ARHGEF28: variants seen among roughly 807,000 people sequenced by gnomAD.
The protein encoded by ARHGEF28 is 190 kDa guanine nucleotide exchange factor.
A neutral mutation model predicts 206.6 loss-of-function variants in ARHGEF28; 152 were observed. The ratio of observed to expected loss-of-function variants is 0.74; its 90% CI spans 0.64 to 0.84. ARHGEF28 has a LOEUF of 0.84. ARHGEF28 is among the 40% of genes least tolerant of loss of function. ARHGEF28 has a pLI of 0.00. For missense variants in ARHGEF28, 2,028 were observed against 2,073.2 expected (o/e 0.98, Z 0.42); for synonymous variants, 763 against 776.4 (o/e 0.98, Z 0.29).
intron 2 of ARHGEF28, among the ~76,000 whole-genome samples, chr5:73,704,767 G>A (rs1204555164): frequency 1.3e-5 from 2 of 152,112 alleles, no homozygotes; most frequent in South Asian, 2.1e-4. Context: ...AACATAAAAT[G>A]TGTGCCCAGA....
At chr5:73,710,159 G>C (rs1348688279) in intron 2 of ARHGEF28, among the ~76,000 whole-genome samples, 1 of 152,162 alleles carries the variant, frequency 6.6e-6, no homozygotes, top group Non-Finnish European at 1.5e-5. Context: ...TAGCTGTTTT[G>C]TATTTCCACC....
At position 73,846,171 on chromosome 5, in the gene ARHGEF28, C is replaced by G. The variant is rs180798362; in HGVS notation, c.1428-97C>G. On this transcript the variant is annotated intron_variant, in intron 11 of 35. Coordinates refer to ENST00000513042, the MANE Select transcript of ARHGEF28 (RefSeq NM_001177693.2). ...AAATGAATACCTATTGCACCCCCCC[C>G]GCCCCAGTGAAAGAATCTGGATTCA... 2.3e-4 allele frequency: 264 copies of G among 1,133,542 alleles called. 1 individual carries two copies. The highest frequency in any genetic ancestry group is 4.2e-4 in the Admixed American group (20 of 47,804). The allele number at this position is 1,133,542 out of a possible 1,614,324, so 70.2% of individuals were successfully genotyped here. A position where few individuals can be genotyped will look rare whatever the true frequency, so the allele number is the denominator to read the frequency against.
chr5:73,683,164 A>G (rs1747217165), intron 1 of ARHGEF28, among the ~76,000 whole-genome samples: 1 of 151,910 alleles, frequency 6.6e-6, no homozygotes. Context: ...TCTAAGTGCT[A>G]TTTGTTTACT....
chr5:73,700,673 T>C (rs376884997), intron 2 of ARHGEF28, among the ~76,000 whole-genome samples: 2 of 152,170 alleles, frequency 1.3e-5, no homozygotes, highest in Non-Finnish European at 2.9e-5. Flanking sequence ...CAAGAGGTGA[T>C]TGAGTACACG....
At chr5:73,669,040 G>C (rs1746143156) in intron 1 of ARHGEF28, among the ~76,000 whole-genome samples, 1 of 152,104 alleles carries the variant, frequency 6.6e-6, no homozygotes, top group African/African-American at 2.4e-5. Context: ...CCAATCTCAT[G>C]ATTTAGCAAT....
chr5:73,662,100 T>C (rs975831638), intron 1 of ARHGEF28, among the ~76,000 whole-genome samples: 1 of 152,208 alleles, frequency 6.6e-6, no homozygotes, highest in African/African-American at 2.4e-5. Flanking sequence ...CTGCTAATGT[T>C]AGTTTCTTGG....
At chr5:73,834,872 A>T (rs1235398544) in intron 10 of ARHGEF28, among the ~76,000 whole-genome samples, 1 of 152,162 alleles carries the variant, frequency 6.6e-6, no homozygotes, top group Admixed American at 6.5e-5. Context: ...CACAATAGCA[A>T]GATAAACTAA....
intron 35 of ARHGEF28, among the ~76,000 whole-genome samples, chr5:73,914,361 G>GTCAA (rs1763083095): frequency 6.9e-6 from 1 of 144,818 alleles, no homozygotes; most frequent in Non-Finnish European, 1.5e-5. Context: ...AGCCCATGCT[G>GTCAA]TCAATCATTA....
At chr5:73,677,617 T>A (rs1246884863) in intron 1 of ARHGEF28, among the ~76,000 whole-genome samples, 2 of 152,078 alleles carry the variant, frequency 1.3e-5, no homozygotes, top group African/African-American at 4.8e-5. Flanking sequence ...AGTCTAATAC[T>A]TTTTTTTAGA....
chr5:73,847,226 T>C (rs1579981209), intron 12 of ARHGEF28, among the ~76,000 whole-genome samples: 1 of 152,254 alleles, frequency 6.6e-6, no homozygotes, highest in African/African-American at 2.4e-5. Flanking sequence ...ATGGTTGTTA[T>C]GATAATACCT....
At chr5:73,680,044 T>A (rs1271525685) in intron 1 of ARHGEF28, among the ~76,000 whole-genome samples, 1 of 152,090 alleles carries the variant, frequency 6.6e-6, no homozygotes, top group Non-Finnish European at 1.5e-5. Flanking sequence ...AGTGAATGAG[T>A]CTTGTGTGTG....
At chr5:73,934,754 T>A (rs999356352) in intron 35 of ARHGEF28, among the ~76,000 whole-genome samples, 2 of 152,234 alleles carry the variant, frequency 1.3e-5, no homozygotes, top group African/African-American at 2.4e-5. Context: ...ATAATACACA[T>A]GAGCCTATTA....
At chr5:73,885,620 G>A (rs1761231597) in intron 24 of ARHGEF28, among the ~76,000 whole-genome samples, 1 of 151,864 alleles carries the variant, frequency 6.6e-6, no homozygotes, top group African/African-American at 2.4e-5. Flanking sequence ...GGGACAAAAG[G>A]CACATGCCAC....
At position 73,668,713 on chromosome 5, in the gene ARHGEF28, G is replaced by A. The variant is rs187008346; in HGVS notation, c.-11-16128G>A. ...AAAATGCAGACAAAAGAGAGAGGTG[G>A]TGTTGTCTCTGAGTAGTTAGATTTA... On this transcript the variant is annotated intron_variant, in intron 1 of 35. Coordinates refer to ENST00000513042, the MANE Select transcript of ARHGEF28 (RefSeq NM_001177693.2). 4.5e-4 allele frequency among the ~76,000 whole-genome samples: 31 copies of A among 69,068 alleles called. No homozygotes were observed. The East Asian group carries it at 0.017, about 38-fold the overall frequency. 45.3% of individuals were successfully genotyped at this position (69,068 alleles called of 152,430 possible).
Position 73,742,830 on chromosome 5 carries a change from CA to C in ARHGEF28, c.34-6986del, listed in dbSNP as rs373495344. ...TGGGCGACAGAGCGAGACTCCGTCT[CA>C]AAAAAAAAAAAAAAAAAAAAGTACT... On this transcript the variant is annotated intron_variant, in intron 2 of 35. Transcript: ENST00000513042. Among the ~76,000 whole-genome samples the C allele has an allele frequency of 7.1e-3, 403 of 56,476 alleles. 1 individual carries two copies. The highest frequency in any genetic ancestry group is 0.032 in the South Asian group (52 of 1,630). 37.1% of individuals were successfully genotyped at this position (56,476 alleles called of 152,430 possible).
intron 4 of ARHGEF28, among the ~76,000 whole-genome samples, chr5:73,760,919 T>G (rs893942413): frequency 1.3e-5 from 2 of 152,240 alleles, no homozygotes; most frequent in African/African-American, 4.8e-5. Context: ...TTCCTACTTT[T>G]GTCTGGCAAC....
intron 4 of ARHGEF28, among the ~76,000 whole-genome samples, chr5:73,765,700 C>T (rs192946753): frequency 1.8e-4 from 28 of 152,268 alleles, no homozygotes; most frequent in African/African-American, 6.7e-4. Context: ...TCCACAGGGC[C>T]TGGCAGATAA....
At chr5:73,747,832 C>T (rs546491834) in intron 2 of ARHGEF28, among the ~76,000 whole-genome samples, 25 of 152,020 alleles carry the variant, frequency 1.6e-4, no homozygotes, top group African/African-American at 5.6e-4. Flanking sequence ...GGAAGGCAGG[C>T]GTGATGAATT....
At position 73,740,401 on chromosome 5, in the gene ARHGEF28, A is replaced by G. The variant is rs536767216; in HGVS notation, c.34-9436A>G. Among the ~76,000 whole-genome samples, 32 of 152,294 alleles carry G rather than the reference A, an allele frequency of 2.1e-4. No individual in the cohort carries two copies. The South Asian group carries it at 6.6e-3, about 32-fold the overall frequency. ...GCAAATAAGCAAAACAGAAAAACAA[A>G]CAAAACACACCATCTCTTAGTAGTG... On this transcript the variant is annotated intron_variant, in intron 2 of 35. Transcript: ENST00000513042.
Sources: allele counts gnomAD v4.1 joint callset (sites outside exome capture counted in the v4.1 genomes callset), GRCh38; gene constraint gnomAD v4.1.1; transcripts MANE v1.5; gene names NCBI Gene and HGNC (gene_info 2026-07-23, HGNC 2026-07-21).